Variants in WDR7 observed in about 807,000 individuals in gnomAD.
WDR7 encodes the protein WD repeat-containing protein 7.
A neutral mutation model predicts 169.4 loss-of-function variants in WDR7; 46 were observed. That is an observed-to-expected ratio of 0.27 (90% CI 0.21 to 0.35). The LOEUF is 0.35. Among genes scored for constraint, WDR7 ranks in the 10% least tolerant of loss-of-function variants. The pLI, the probability that WDR7 is intolerant of heterozygous loss-of-function variation, is 1.00. For missense variants in WDR7, 1,534 were observed against 1,859.3 expected, an observed-to-expected ratio of 0.83 and a Z score of 3.22; for synonymous variants, 612 against 666.8, an observed-to-expected ratio of 0.92 and a Z score of 1.27.
intron 14 of WDR7, among the ~76,000 whole-genome samples, chr18:56,740,848 T>A (rs2043610202): frequency 6.6e-6 from 1 of 152,190 alleles, no homozygotes; most frequent in Non-Finnish European, 1.5e-5. Context: ...TGGCCCTGTG[T>A]CAGCTTCTGT....
chr18:56,757,968 C>CA (rs11423337), intron 15 of WDR7, among the ~76,000 whole-genome samples: 22,893 of 139,274 alleles, frequency 0.16, 2,404 homozygotes, highest in African/African-American at 0.31. Context: ...GACTCTGTCT[C>CA]AAAAAAAAAA....
chr18:56,786,306 G>A (rs890553263), intron 19 of WDR7, among the ~76,000 whole-genome samples: 3 of 152,178 alleles, frequency 2.0e-5, no homozygotes, highest in South Asian at 2.1e-4. Context: ...CGAAGCGGGC[G>A]GATTGCCTGA....
chr18:56,781,465 T>A, intron 18 of WDR7, 68 bp from the exon 19 acceptor site: 1 of 1,374,592 alleles, frequency 7.3e-7, no homozygotes, highest in Non-Finnish European at 9.5e-7. Flanking sequence ...ATAAATTTTC[T>A]AGTTTATGAA....
intron 20 of WDR7, among the ~76,000 whole-genome samples, chr18:56,837,932 TAGA>T (rs2045420202): frequency 1.3e-5 from 2 of 152,168 alleles, no homozygotes; most frequent in Non-Finnish European, 2.9e-5. Flanking sequence ...TTTTTAAGAA[TAGA>T]AGAACATTAA....
intron 20 of WDR7, among the ~76,000 whole-genome samples, chr18:56,854,112 G>A (rs551726012): frequency 7.2e-5 from 11 of 152,224 alleles, no homozygotes; most frequent in Admixed American, 3.9e-4. Context: ...AGCCTTCTTT[G>A]ACTAAATGTA....
chr18:56,825,763 A>G (rs2045191734), intron 20 of WDR7, among the ~76,000 whole-genome samples: 1 of 152,310 alleles, frequency 6.6e-6, no homozygotes, highest in South Asian at 2.1e-4. Context: ...TGTGTAGTAC[A>G]AGGAAGTGTT....
intron 23 of WDR7, 99 bp from the exon 24 acceptor site, chr18:56,938,434 T>C: frequency 6.9e-7 from 1 of 1,447,198 alleles, no homozygotes; most frequent in Non-Finnish European, 9.2e-7. Context: ...AAGAAGTTTA[T>C]TTTTTTCTAT....
At chr18:56,846,019 C>T (rs1306064119) in intron 20 of WDR7, among the ~76,000 whole-genome samples, 6 of 152,156 alleles carry the variant, frequency 3.9e-5, no homozygotes, top group East Asian at 1.9e-4. Flanking sequence ...TCTCTTCCCA[C>T]GTTCTTTATT....
At chr18:56,696,824 A>G (rs549154618) in intron 12 of WDR7, among the ~76,000 whole-genome samples, 48 of 152,350 alleles carry the variant, frequency 3.2e-4, no homozygotes, top group African/African-American at 1.1e-3. Context: ...TTTTGGGTCC[A>G]TCTGAGCAAA....
intron 26 of WDR7, among the ~76,000 whole-genome samples, chr18:56,973,596 C>G (rs1322808256): frequency 6.6e-6 from 1 of 151,866 alleles, no homozygotes; most frequent in East Asian, 1.9e-4. Flanking sequence ...GCCTCGTATT[C>G]TTCATATCCA....
In WDR7 at chr18:56,823,524, T is replaced by C. The variant is rs555619965; in HGVS notation, c.3304+7380T>C. Among the ~76,000 whole-genome samples, 21 of 152,278 alleles carry C rather than the reference T, an allele frequency of 1.4e-4. No individual in the cohort carries two copies. In the South Asian group the frequency reaches 4.4e-3, roughly 32 times the overall value. On this transcript the variant is annotated intron_variant, in intron 20 of 27. Coordinates refer to ENST00000254442, the MANE Select transcript of WDR7 (RefSeq NM_015285.3). ...TCGCTTGAACCCAGGAGGCGGAGGT[T>C]GCAGTGAGCTGAGATCACATCCCTG...
intron 21 of WDR7, among the ~76,000 whole-genome samples, chr18:56,910,354 C>G (rs1248989924): frequency 1.3e-5 from 2 of 152,078 alleles, no homozygotes; most frequent in African/African-American, 4.8e-5. Context: ...AAAAACTTAG[C>G]CTGTATTTGA....
intron 21 of WDR7, among the ~76,000 whole-genome samples, chr18:56,921,622 G>A (rs1250676739): frequency 6.6e-6 from 1 of 152,190 alleles, no homozygotes; most frequent in East Asian, 1.9e-4. Context: ...AGGCACTCTT[G>A]TGGCCCTTGT....
intron 26 of WDR7, among the ~76,000 whole-genome samples, chr18:57,019,242 T>A (rs751249213): frequency 1.3e-5 from 2 of 151,436 alleles, no homozygotes; most frequent in African/African-American, 4.9e-5. Context: ...AACAAAAATA[T>A]TAAAAGTATT....
intron 16 of WDR7, among the ~76,000 whole-genome samples, chr18:56,773,008 A>G (rs1453515199): frequency 6.6e-6 from 1 of 152,190 alleles, no homozygotes; most frequent in Non-Finnish European, 1.5e-5. Context: ...GAGCTTTTTA[A>G]TACTGTTTGA....
chr18:56,812,101 G>A (rs561260215), intron 19 of WDR7, among the ~76,000 whole-genome samples: 1 of 152,224 alleles, frequency 6.6e-6, no homozygotes, highest in Admixed American at 6.5e-5. Context: ...CATGAACACA[G>A]TGTAATTCTG....
At chr18:56,909,045 T>TAATATATCAATAAAATA (rs2046518554) in intron 21 of WDR7, among the ~76,000 whole-genome samples, 2 of 152,214 alleles carry the variant, frequency 1.3e-5, no homozygotes, top group African/African-American at 4.8e-5. Flanking sequence ...ATCAAGAGTC[T>TAATATATCAATAAAATA]ACCCTGTGTT....
chr18:56,764,859 A>G (rs1268248768), intron 16 of WDR7, among the ~76,000 whole-genome samples: 1 of 152,116 alleles, frequency 6.6e-6, no homozygotes, highest in Non-Finnish European at 1.5e-5. Context: ...TGCAGCTATA[A>G]TTATGGGTTT....
intron 19 of WDR7, among the ~76,000 whole-genome samples, chr18:56,806,293 G>A (rs115909864): frequency 0.013 from 2,011 of 152,176 alleles, 42 homozygotes; most frequent in African/African-American, 0.045. Flanking sequence ...CCTTCGCCAT[G>A]CTCAGAGAAC....
Sources: gnomAD v4.1 joint callset for allele counts (sites outside exome capture counted in the v4.1 genomes callset) on GRCh38, gnomAD v4.1.1 for gene constraint, MANE v1.5 for transcripts, NCBI Gene and HGNC (gene_info 2026-07-23, HGNC 2026-07-21) for gene names.